KXD1: variants seen among roughly 807,000 people sequenced by gnomAD.
KXD1 encodes KxDL motif containing 1, also known as kxDL motif-containing protein 1.
A neutral mutation model predicts 12.1 loss-of-function variants in KXD1; 5 were observed. The observed-to-expected ratio is 0.41, with a 90% CI of 0.22 to 0.87. The LOEUF is 0.87. KXD1 is among the 40% of genes least tolerant of loss of function. KXD1 has a pLI of 0.31. For synonymous variants in KXD1, 98 were observed against 100.5 expected (o/e 0.98, Z 0.15); for missense variants, 193 against 244.9 (o/e 0.79, Z 1.41).
chr19:18,565,215 A>T lies in KXD1; in HGVS notation c.254+194A>T, dbSNP rs769530724. ...CGTAAGTTTATTTACTGATTGATTAATTGATCGAGACAGAGTTTTTTTTTT... is the reference window on the plus strand; with the variant it reads ...CGTAAGTTTATTTACTGATTGATTATTTGATCGAGACAGAGTTTTTTTTTT... On this transcript the variant is annotated intron_variant, in intron 3 of 4. Transcript: ENST00000222307. 7 of 1,307,168 alleles carry T rather than the reference A, an allele frequency of 5.4e-6. No homozygotes were observed. In the African/African-American group the frequency reaches 9.1e-5, roughly 17 times the overall value. 81.0% of individuals were successfully genotyped at this position (1,307,168 alleles called of 1,614,324 possible). A position where few individuals can be genotyped will look rare whatever the true frequency, so the allele number is the denominator to read the frequency against.
intron 3 of KXD1, among the ~76,000 whole-genome samples, chr19:18,565,523 C>T (rs975335368): frequency 2.0e-5 from 3 of 151,018 alleles, no homozygotes; most frequent in African/African-American, 7.3e-5. Flanking sequence ...TGAGCCACTG[C>T]GCCCGGCCGA....
chr19:18,563,037 G>A (rs978097859), intron 2 of KXD1, among the ~76,000 whole-genome samples: 1 of 152,178 alleles, frequency 6.6e-6, no homozygotes, highest in Admixed American at 6.6e-5. Flanking sequence ...AAAACATTAC[G>A]AGATTTTTTT....
In KXD1 at chr19:18,562,032, T is replaced by G. The variant is rs1162852335; in HGVS notation, c.-21-4T>G. 1 of 1,589,770 alleles carries G rather than the reference T, an allele frequency of 6.3e-7. No individual in the cohort carries two copies. Among genetic ancestry groups the G allele is most frequent in the Non-Finnish European group, 8.6e-7 (1 of 1,160,996 alleles). On this transcript the variant is annotated splice_region_variant and splice_polypyrimidine_tract_variant and intron_variant, in intron 1 of 4. Transcript: ENST00000222307. ...GCAGACCACTCTGTTCTTGCCTGTT[T>G]CAGGCAGCGGAGGAGGAGAAAGAGA... is the stretch of plus-strand genomic sequence containing the variant.
At chr19:18,562,393 T>C (rs1473099913) in intron 2 of KXD1, among the ~76,000 whole-genome samples, 2 of 151,966 alleles carry the variant, frequency 1.3e-5, no homozygotes, top group Non-Finnish European at 2.9e-5. Flanking sequence ...CCGCAGGGGC[T>C]CCTGTCCCGA....
intron 1 of KXD1, among the ~76,000 whole-genome samples, chr19:18,561,151 C>T (rs574652367): frequency 6.6e-6 from 1 of 152,176 alleles, no homozygotes; most frequent in African/African-American, 2.4e-5. Context: ...GCCTGTAATC[C>T]TAGCACTTTG....
chr19:18,565,670 C>T (rs1044559116), intron 3 of KXD1, among the ~76,000 whole-genome samples: 1 of 151,886 alleles, frequency 6.6e-6, no homozygotes, highest in African/African-American at 2.4e-5. Context: ...TACTGTACCA[C>T]ACCCAGCTAA....
At chr19:18,567,245 A>T in intron 4 of KXD1, 67 bp downstream of exon 4, 3 of 1,532,598 alleles carry the variant, frequency 2.0e-6, no homozygotes, top group Non-Finnish European at 2.7e-6. Flanking sequence ...AGGCTTCTGG[A>T]AGGCCACCTT....
chr19:18,559,242 G>C (rs1269632548), intron 1 of KXD1: 1 of 152,092 alleles, frequency 6.6e-6, no homozygotes, highest in Non-Finnish European at 1.5e-5. Context: ...ACCAGCCTTG[G>C]CTTCCCAAAG....
intron 2 of KXD1, 111 bp downstream of exon 2, chr19:18,562,268 T>C: frequency 1.4e-6 from 1 of 731,034 alleles, no homozygotes; most frequent in Non-Finnish European, 2.2e-6. Context: ...ATGAAGGAAA[T>C]GAGCAAATCT....
Position 18,568,928 on chromosome 19 carries a change from C to A in KXD1, c.*297C>A. ...ACAGGGGAATTTTTCCAGAGCTGAG[C>A]CTGACGTCTGCTCTGAAGAATGCTT... On this transcript the variant is annotated 3_prime_UTR_variant, in exon 5 of 5. Coordinates refer to ENST00000222307, the MANE Select transcript of KXD1 (RefSeq NM_024069.4). The A allele has an allele frequency of 6.8e-6, 3 of 442,370 alleles. No individual in the cohort carries two copies. The highest frequency in any genetic ancestry group is 8.2e-6 in the Non-Finnish European group (2 of 242,546). 27.4% of individuals were successfully genotyped at this position (442,370 alleles called of 1,614,324 possible).
At chr19:18,566,985 G>A (rs1975274266) in intron 3 of KXD1, 147 bp from the exon 4 acceptor site, 1 of 697,566 alleles carries the variant, frequency 1.4e-6, no homozygotes, top group Admixed American at 2.4e-5. Flanking sequence ...CACCTAGAGA[G>A]AGTGAAGATG....
At chr19:18,566,154 A>G (rs1025010130) in intron 3 of KXD1, among the ~76,000 whole-genome samples, 3 of 152,120 alleles carry the variant, frequency 2.0e-5, no homozygotes, top group Non-Finnish European at 4.4e-5. Context: ...ATTCTTAAAA[A>G]ATGTAACACA....
chr19:18,567,294 G>A (rs1293066708), intron 4 of KXD1, 116 bp downstream of exon 4: 3 of 1,092,520 alleles, frequency 2.7e-6, no homozygotes. Flanking sequence ...TGGGCAGTGG[G>A]TCTGGGGAAA....
At chr19:18,561,767 T>G in intron 1 of KXD1, 1 of 255,762 alleles carries the variant, frequency 3.9e-6, no homozygotes, top group Non-Finnish European at 7.6e-6. Context: ...CCTGTGGCCT[T>G]GGGCTCATGG....
intron 1 of KXD1, 39 bp from the exon 2 acceptor site, chr19:18,561,997 G>A (rs1327876077): frequency 5.8e-6 from 8 of 1,384,036 alleles, no homozygotes; most frequent in Non-Finnish European, 7.0e-6. Context: ...CACCTCACCT[G>A]GTGACTAGTG....
intron 1 of KXD1, 62 bp from the exon 2 acceptor site, chr19:18,561,974 G>C (rs1974935779): frequency 9.1e-7 from 1 of 1,103,840 alleles, no homozygotes; most frequent in African/African-American, 1.6e-5. Flanking sequence ...GTCCCGGCCT[G>C]GCCTCTTGGT....
chr19:18,561,229 C>G (rs1177873577), intron 1 of KXD1, among the ~76,000 whole-genome samples: 1 of 151,874 alleles, frequency 6.6e-6, no homozygotes, highest in African/African-American at 2.4e-5. Flanking sequence ...ATAGCGAGAC[C>G]CTGTCTCTTA....
At chr19:18,567,374 G>A (rs1020904625) in intron 4 of KXD1, 196 bp downstream of exon 4, 13 of 651,438 alleles carry the variant, frequency 2.0e-5, no homozygotes, top group Non-Finnish European at 3.4e-5. Context: ...GCACTAGGAC[G>A]GGAGTCCGTG....
At chr19:18,560,307 C>T (rs1203583325) in intron 1 of KXD1, 1 of 152,158 alleles carries the variant, frequency 6.6e-6, no homozygotes, top group Non-Finnish European at 1.5e-5. Flanking sequence ...CACACCCGGC[C>T]TCTGAAACCC....
Sources: allele counts gnomAD v4.1 joint callset (sites outside exome capture counted in the v4.1 genomes callset), GRCh38; gene constraint gnomAD v4.1.1; transcripts MANE v1.5; gene names NCBI Gene and HGNC (gene_info 2026-07-23, HGNC 2026-07-21).